The following ASXL1 variants were observed in gnomAD, a reference collection of about 807,000 sequenced individuals.
ASXL1 encodes the protein ASXL transcriptional regulator 1, also known as polycomb group protein ASXL1.
In ASXL1, 65 loss-of-function variants were observed where a neutral mutation model predicts 89.1. The ratio of observed to expected loss-of-function variants is 0.73; its 90% CI spans 0.60 to 0.90. The LOEUF is 0.90. Among genes scored for constraint, ASXL1 ranks in the 40% least tolerant of loss-of-function variants. ASXL1 has a pLI of 0.00. For missense variants in ASXL1, 1,786 were observed against 1,942.9 expected, an observed-to-expected ratio of 0.92 and a Z score of 1.52; for synonymous variants, 739 against 746.9, an observed-to-expected ratio of 0.99 and a Z score of 0.17.
At chr20:32,416,659 T>C (rs2049143634) in intron 4 of ASXL1, among the ~76,000 whole-genome samples, 1 of 152,232 alleles carries the variant, frequency 6.6e-6, no homozygotes, top group East Asian at 1.9e-4. Flanking sequence ...ACACTTATCC[T>C]TAATCTCCAT....
At chr20:32,409,853 T>C (rs2049015024) in intron 4 of ASXL1, among the ~76,000 whole-genome samples, 1 of 152,256 alleles carries the variant, frequency 6.6e-6, no homozygotes, top group South Asian at 2.1e-4. Flanking sequence ...GATCACATGG[T>C]ACATTTGTTT....
chr20:32,402,560 T>C (rs996582386), intron 4 of ASXL1, among the ~76,000 whole-genome samples: 2 of 152,242 alleles, frequency 1.3e-5, no homozygotes, highest in African/African-American at 4.8e-5. Flanking sequence ...TGGTGGTAGT[T>C]TTTCATTCCC....
intron 4 of ASXL1, among the ~76,000 whole-genome samples, chr20:32,414,835 G>A (rs2049110365): frequency 6.6e-6 from 1 of 152,040 alleles, no homozygotes; most frequent in Admixed American, 6.6e-5. Flanking sequence ...TCCTAGGCTG[G>A]TCACTTTTTC....
intron 4 of ASXL1, among the ~76,000 whole-genome samples, chr20:32,401,560 C>CTT (rs1569285552): frequency 7.4e-6 from 1 of 134,878 alleles, no homozygotes; most frequent in African/African-American, 2.9e-5. Flanking sequence ...TCCCCCCCCC[C>CTT]CTTTTTTTTT....
chr20:32,379,970 G>C (rs2048459035), intron 4 of ASXL1, among the ~76,000 whole-genome samples: 1 of 149,260 alleles, frequency 6.7e-6, no homozygotes, highest in African/African-American at 2.5e-5. Context: ...TTTTTTAAAA[G>C]TATAAAAAAA....
At chr20:32,414,108 C>T (rs532146728) in intron 4 of ASXL1, among the ~76,000 whole-genome samples, 6 of 152,222 alleles carry the variant, frequency 3.9e-5, no homozygotes, top group South Asian at 4.1e-4. Context: ...ATCTGTTTCT[C>T]TCCTGTGTTT....
chr20:32,359,118 G>T (rs1279353254), intron 1 of ASXL1: 2 of 613,490 alleles, frequency 3.3e-6, no homozygotes, highest in Admixed American at 5.3e-5. Flanking sequence ...TCTGGGCAGC[G>T]GGGTCCCGCG....
At chr20:32,367,218 A>C (rs1448106619) in intron 2 of ASXL1, among the ~76,000 whole-genome samples, 1 of 152,188 alleles carries the variant, frequency 6.6e-6, no homozygotes. Flanking sequence ...CTCTACTAAC[A>C]ATACAAAGAT....
At chr20:32,408,473 G>C (rs145700831) in intron 4 of ASXL1, among the ~76,000 whole-genome samples, 19 of 152,296 alleles carry the variant, frequency 1.2e-4, no homozygotes, top group Middle Eastern at 3.4e-3. Context: ...TAAGTCATGA[G>C]ATTGGATAGT....
chr20:32,375,787 ATCTTGTGCC>A (rs2048368422), intron 4 of ASXL1, among the ~76,000 whole-genome samples: 1 of 151,962 alleles, frequency 6.6e-6, no homozygotes, highest in South Asian at 2.1e-4. Flanking sequence ...TGCTCAAGCA[ATCTTGTGCC>A]TCAGCTTCCT....
intron 1 of ASXL1, among the ~76,000 whole-genome samples, chr20:32,364,953 A>G (rs575826564): frequency 1.3e-5 from 2 of 152,294 alleles, no homozygotes; most frequent in East Asian, 1.9e-4. Context: ...TGGGTCAGGT[A>G]AGAGACTGGT....
At chr20:32,377,044 C>G (rs1283055099) in intron 4 of ASXL1, among the ~76,000 whole-genome samples, 8 of 134,058 alleles carry the variant, frequency 6.0e-5, no homozygotes, top group Non-Finnish European at 1.2e-4. Flanking sequence ...TAATATACAA[C>G]AGATATAATA....
intron 4 of ASXL1, among the ~76,000 whole-genome samples, chr20:32,423,431 G>T (rs1001293041): frequency 7.2e-4 from 110 of 152,098 alleles, no homozygotes; most frequent in African/African-American, 2.6e-3. Flanking sequence ...AGTAGGGGGG[G>T]TTTCATCATG....
rs146177442 is a variant in ASXL1, at chr20:32,423,308, C to T, written c.253-4820C>T. On this transcript the variant is annotated intron_variant, in intron 4 of 12. Coordinates refer to ENST00000375687, the MANE Select transcript of ASXL1 (RefSeq NM_015338.6). ...GCAATGGCATGATCTCAGCTCACTG[C>T]AACCTCCACCTCCCAGGTTCAAGCG... Among the ~76,000 whole-genome samples the T allele has an allele frequency of 2.8e-3, 433 of 152,096 alleles. 7 individuals are homozygous for T. The highest frequency in any genetic ancestry group is 0.015 in the East Asian group (78 of 5,166).
intron 4 of ASXL1, among the ~76,000 whole-genome samples, chr20:32,420,893 A>G (rs2049232624): frequency 6.6e-6 from 1 of 152,212 alleles, no homozygotes; most frequent in African/African-American, 2.4e-5. Flanking sequence ...GCAGCCATAA[A>G]AAAGAATGAG....
chr20:32,385,262 A>T (rs1450505763), intron 4 of ASXL1, among the ~76,000 whole-genome samples: 1 of 152,252 alleles, frequency 6.6e-6, no homozygotes, highest in Non-Finnish European at 1.5e-5. Context: ...TGTACAAAGT[A>T]ACACTTTTGG....
chr20:32,367,699 C>T (rs2048229872), intron 2 of ASXL1, 28 bp from the exon 3 acceptor site: 2 of 780,790 alleles, frequency 2.6e-6, no homozygotes, highest in Non-Finnish European at 4.8e-6. Context: ...CTGCTGTCTG[C>T]ACTGCTGTTG....
In ASXL1 at chr20:32,434,387, G is replaced by C. The variant is rs572306565; in HGVS notation, c.1720-45G>C. On this transcript the variant is annotated intron_variant, in intron 12 of 12. Coordinates refer to ENST00000375687, the MANE Select transcript of ASXL1 (RefSeq NM_015338.6). The stretch of plus-strand genomic sequence containing the variant: ...GTTTTGCTTTACAGTCCCTAGGTCA[G>C]ATCACCCAGTCAGTTAAAACTATTT... The C allele has an allele frequency of 6.8e-6, 11 of 1,609,394 alleles. No individual in the cohort carries two copies. The South Asian group carries it at 7.7e-5, about 11-fold the overall frequency.
At position 32,358,492 on chromosome 20, in the gene ASXL1, A is replaced by T. The variant is rs563366395; in HGVS notation, c.-284A>T. 3.0e-5 allele frequency: 7 copies of T among 230,474 alleles called. No homozygotes were observed. The highest frequency in any genetic ancestry group is 6.6e-5 in the African/African-American group (3 of 45,128). The allele number at this position is 230,474 out of a possible 1,614,324, so 14.3% of individuals were successfully genotyped here. The stretch of plus-strand genomic sequence containing the variant: ...GACCTCTGACCCCGTGGTTATGCGG[A>T]GCCGCCGCATTCCTTAGCGATCGCG... On this transcript the variant is annotated 5_prime_UTR_variant, in exon 1 of 13. Transcript: ENST00000375687.
Sources: allele counts gnomAD v4.1 joint callset (sites outside exome capture counted in the v4.1 genomes callset), GRCh38; gene constraint gnomAD v4.1.1; transcripts MANE v1.5; gene names NCBI Gene and HGNC (gene_info 2026-07-23, HGNC 2026-07-21).